The following ARHGAP15 variants were observed in gnomAD, a reference collection of about 807,000 sequenced individuals.
ARHGAP15 encodes the protein rho GTPase-activating protein 15.
A neutral mutation model predicts 63.7 loss-of-function variants in ARHGAP15; 51 were observed. The ratio of observed to expected loss-of-function variants is 0.80; its 90% confidence interval spans 0.64 to 1.01. The LOEUF is 1.01. Among genes scored for constraint, ARHGAP15 ranks in the 50% least tolerant of loss-of-function variants. The probability of loss-of-function intolerance (pLI) is 0.00; values close to 1 mark genes in which losing one functional copy is unlikely to be tolerated. For missense variants in ARHGAP15, 560 were observed against 564.6 expected (o/e 0.99, Z 0.08); for synonymous variants, 191 against 193.8 (o/e 0.99, Z 0.12).
At chr2:143,278,101 A>G (rs1385135324) in intron 6 of ARHGAP15, among the ~76,000 whole-genome samples, 1 of 152,138 alleles carries the variant, frequency 6.6e-6, no homozygotes, top group Non-Finnish European at 1.5e-5. Context: ...CAAGATAAAA[A>G]CAGTGCCAGG....
chr2:143,555,368 C>A (rs564955442), intron 10 of ARHGAP15, among the ~76,000 whole-genome samples: 82 of 152,260 alleles, frequency 5.4e-4, no homozygotes, highest in African/African-American at 1.9e-3. Context: ...TGATGCTATA[C>A]CACCTCCCTA....
At chr2:143,476,021 CAT>C (rs957036056) in intron 8 of ARHGAP15, among the ~76,000 whole-genome samples, 12 of 152,166 alleles carry the variant, frequency 7.9e-5, no homozygotes, top group African/African-American at 2.7e-4. Flanking sequence ...AAAAGTGACT[CAT>C]GTGGGTGAGA....
At chr2:143,500,558 G>T (rs953745864) in intron 9 of ARHGAP15, among the ~76,000 whole-genome samples, 1 of 151,990 alleles carries the variant, frequency 6.6e-6, no homozygotes, top group East Asian at 1.9e-4. Flanking sequence ...AATTATGAAG[G>T]ATGCTCTGAC....
intron 12 of ARHGAP15, among the ~76,000 whole-genome samples, chr2:143,674,081 G>A (rs1238785492): frequency 2.0e-5 from 3 of 151,836 alleles, no homozygotes; most frequent in Non-Finnish European, 1.5e-5. Context: ...TTTTAGAAAA[G>A]CATTTGTAAG....
intron 6 of ARHGAP15, among the ~76,000 whole-genome samples, chr2:143,309,465 G>A (rs1379103315): frequency 6.6e-6 from 1 of 152,064 alleles, no homozygotes; most frequent in African/African-American, 2.4e-5. Flanking sequence ...TTTAAATGAA[G>A]AAATGGTACT....
At chr2:143,190,342 C>A (rs1453246695) in intron 2 of ARHGAP15, among the ~76,000 whole-genome samples, 2 of 152,130 alleles carry the variant, frequency 1.3e-5, no homozygotes, top group Non-Finnish European at 2.9e-5. Context: ...CTTTTCATTG[C>A]GGATATCCAA....
chr2:143,188,325 A>C (rs1441823679), intron 2 of ARHGAP15, among the ~76,000 whole-genome samples: 2 of 151,890 alleles, frequency 1.3e-5, no homozygotes, highest in African/African-American at 4.8e-5. Context: ...ATTTTCTTGG[A>C]TGGAGTAAAT....
intron 6 of ARHGAP15, among the ~76,000 whole-genome samples, chr2:143,273,811 C>T (rs1681415664): frequency 1.3e-5 from 2 of 152,086 alleles, no homozygotes; most frequent in South Asian, 4.1e-4. Flanking sequence ...AAAACTTCAT[C>T]CAGTTAGTAA....
intron 9 of ARHGAP15, among the ~76,000 whole-genome samples, chr2:143,511,319 C>G (rs1283361738): frequency 2.6e-5 from 4 of 152,048 alleles, no homozygotes; most frequent in Admixed American, 2.6e-4. Flanking sequence ...TTTTCCCAAT[C>G]AATGTATATC....
At chr2:143,281,165 A>T (rs955838212) in intron 6 of ARHGAP15, among the ~76,000 whole-genome samples, 1 of 152,178 alleles carries the variant, frequency 6.6e-6, no homozygotes, top group African/African-American at 2.4e-5. Flanking sequence ...GCCCAGAGCT[A>T]GGGCGATCTA....
intron 11 of ARHGAP15, among the ~76,000 whole-genome samples, chr2:143,616,047 A>T (rs921517657): frequency 6.6e-6 from 1 of 152,176 alleles, no homozygotes; most frequent in Non-Finnish European, 1.5e-5. Flanking sequence ...GAAAGAAAAA[A>T]GTCTGTTCAT....
At chr2:143,703,960 A>G (rs1244946966) in intron 13 of ARHGAP15, 1 of 149,612 alleles carries the variant, frequency 6.7e-6, no homozygotes, top group African/African-American at 2.5e-5. Context: ...GTTGGCTCAG[A>G]TTGATAAGGT....
chr2:143,227,209 A>G (rs1342179398), intron 4 of ARHGAP15, among the ~76,000 whole-genome samples: 1 of 152,206 alleles, frequency 6.6e-6, no homozygotes, highest in Non-Finnish European at 1.5e-5. Context: ...TAACTATAGA[A>G]GCAATATGTG....
chr2:143,384,175 C>A (rs895567124), intron 6 of ARHGAP15, among the ~76,000 whole-genome samples: 1 of 151,886 alleles, frequency 6.6e-6, no homozygotes, highest in African/African-American at 2.4e-5. Flanking sequence ...GACATTTAAA[C>A]GTATGCCTGT....
intron 12 of ARHGAP15, among the ~76,000 whole-genome samples, chr2:143,692,445 C>T (rs965978990): frequency 6.6e-6 from 1 of 152,038 alleles, no homozygotes; most frequent in African/African-American, 2.4e-5. Flanking sequence ...AGGAGGAAAC[C>T]CAAGGCAGCA....
chr2:143,337,026 G>A (rs1199767403), intron 6 of ARHGAP15, among the ~76,000 whole-genome samples: 4 of 152,134 alleles, frequency 2.6e-5, no homozygotes, highest in Middle Eastern at 6.8e-3. Context: ...GTGGAAGGGG[G>A]TGGGAGAGAA....
chr2:143,284,631 A>G (rs922081267), intron 6 of ARHGAP15, among the ~76,000 whole-genome samples: 2 of 152,232 alleles, frequency 1.3e-5, no homozygotes, highest in Non-Finnish European at 2.9e-5. Context: ...AGACTTTAGG[A>G]CACTTACATA....
At chr2:143,169,822 C>T (rs1464441300) in intron 2 of ARHGAP15, among the ~76,000 whole-genome samples, 1 of 151,552 alleles carries the variant, frequency 6.6e-6, no homozygotes, top group African/African-American at 2.4e-5. Flanking sequence ...GGTAGTAATG[C>T]TTTTGTTTGT....
chr2:143,520,850 T>A (rs751679429), intron 10 of ARHGAP15, among the ~76,000 whole-genome samples: 20 of 152,124 alleles, frequency 1.3e-4, no homozygotes, highest in Non-Finnish European at 2.9e-5. Context: ...AAGCACATAA[T>A]AAGATGTGTG....
Sources: allele counts gnomAD v4.1 joint callset (sites outside exome capture counted in the v4.1 genomes callset), GRCh38; gene constraint gnomAD v4.1.1; transcripts MANE v1.5; gene names NCBI Gene and HGNC (gene_info 2026-07-23, HGNC 2026-07-21).